Variants in CMSS1 observed in about 807,000 individuals in gnomAD.
CMSS1 encodes protein CMSS1.
CMSS1 carries 33 observed loss-of-function variants against 43.5 expected under a neutral mutation model. The observed-to-expected ratio is 0.76, with a 90% confidence interval of 0.57 to 1.01. The LOEUF is 1.01. CMSS1 is among the 50% of genes least tolerant of loss of function. CMSS1 has a pLI of 0.00. For missense variants in CMSS1, 313 were observed against 326.4 expected, an observed-to-expected ratio of 0.96 and a Z score of 0.32; for synonymous variants, 115 against 117.2, an observed-to-expected ratio of 0.98 and a Z score of 0.12.
At chr3:100,092,732 ACTCTG>A (rs2066132684) in intron 1 of CMSS1, among the ~76,000 whole-genome samples, 1 of 150,058 alleles carries the variant, frequency 6.7e-6, no homozygotes, top group Non-Finnish European at 1.5e-5. Context: ...ATTCATACTT[ACTCTG>A]AGGTCCTACC....
At chr3:99,829,626 A>G (rs1942610287) in intron 1 of CMSS1, among the ~76,000 whole-genome samples, 1 of 152,208 alleles carries the variant, frequency 6.6e-6, no homozygotes, top group South Asian at 2.1e-4. Flanking sequence ...CCTAACCCCA[A>G]GCTTTTGTTG....
chr3:100,163,094 C>A (rs2067038082), intron 4 of CMSS1, among the ~76,000 whole-genome samples: 1 of 152,122 alleles, frequency 6.6e-6, no homozygotes, highest in Non-Finnish European at 1.5e-5. Context: ...CAGTATTTGT[C>A]AAATCTAATA....
intron 1 of CMSS1, among the ~76,000 whole-genome samples, chr3:99,903,888 A>G (rs773509523): frequency 1.3e-5 from 2 of 152,314 alleles, no homozygotes; most frequent in Non-Finnish European, 2.9e-5. Context: ...GCTTCATTTA[A>G]TGGTACTCAT....
intron 1 of CMSS1, among the ~76,000 whole-genome samples, chr3:99,857,872 A>G (rs1468273841): frequency 2.0e-5 from 3 of 152,232 alleles, no homozygotes; most frequent in Non-Finnish European, 4.4e-5. Flanking sequence ...TGTTATGAAT[A>G]TGGCAAGACT....
intron 1 of CMSS1, among the ~76,000 whole-genome samples, chr3:99,901,884 C>T (rs140442858): frequency 6.6e-5 from 10 of 152,160 alleles, no homozygotes; most frequent in Non-Finnish European, 1.2e-4. Context: ...TACCACCTGC[C>T]TTGTCCCTAG....
chr3:99,910,207 A>G lies in CMSS1; in HGVS notation c.64+92164A>G, dbSNP rs1359173439. Among the ~76,000 whole-genome samples the G allele has an allele frequency of 4.4e-5, 6 of 136,604 alleles. 1 individual carries two copies. Among genetic ancestry groups the G allele is most frequent in the Middle Eastern group, 3.7e-3 (1 of 272 alleles). 89.6% of individuals were successfully genotyped at this position (136,604 alleles called of 152,430 possible). ...TGTCTAAAAACCTGTATGGATTTCAAAGGCTTAGAGAGGATTAAAAGGCTA... is the reference window on the plus strand; with the variant it reads ...TGTCTAAAAACCTGTATGGATTTCAGAGGCTTAGAGAGGATTAAAAGGCTA... On this transcript the variant is annotated intron_variant, in intron 1 of 9. Coordinates refer to ENST00000421999, the MANE Select transcript of CMSS1 (RefSeq NM_032359.4).
intron 1 of CMSS1, among the ~76,000 whole-genome samples, chr3:99,823,486 A>G (rs1942479390): frequency 6.6e-6 from 1 of 152,016 alleles, no homozygotes; most frequent in Non-Finnish European, 1.5e-5. Flanking sequence ...TTTCACCCCT[A>G]TATCTCATCC....
chr3:99,825,154 G>A (rs924206765), intron 1 of CMSS1, among the ~76,000 whole-genome samples: 1 of 152,210 alleles, frequency 6.6e-6, no homozygotes, highest in Admixed American at 6.5e-5. Context: ...TGGAATATTT[G>A]TAGGAGATGT....
At chr3:99,867,059 C>T (rs1010889607) in intron 1 of CMSS1, among the ~76,000 whole-genome samples, 1 of 152,152 alleles carries the variant, frequency 6.6e-6, no homozygotes, top group African/African-American at 2.4e-5. Flanking sequence ...TACTTCCTTT[C>T]CTGTAAGTTG....
At chr3:99,950,104 G>A (rs1160664991) in intron 1 of CMSS1, among the ~76,000 whole-genome samples, 2 of 152,136 alleles carry the variant, frequency 1.3e-5, no homozygotes, top group Admixed American at 6.6e-5. Flanking sequence ...GAACCATTAG[G>A]TTAGAGAACA....
intron 1 of CMSS1, among the ~76,000 whole-genome samples, chr3:99,925,299 T>TA (rs1394805078): frequency 2.6e-5 from 4 of 152,230 alleles, no homozygotes; most frequent in Non-Finnish European, 1.5e-5. Context: ...GCACTATACT[T>TA]ACATCTTTTT....
intron 1 of CMSS1, among the ~76,000 whole-genome samples, chr3:100,014,648 A>G (rs937835568): frequency 6.6e-6 from 1 of 151,914 alleles, no homozygotes; most frequent in Non-Finnish European, 1.5e-5. Context: ...CTTTTGAGAA[A>G]TGTCTTTTCA....
rs771322482 is a variant in CMSS1 at position 100,160,499 on chromosome 3, A to C, written c.223A>C (p.Lys75Gln). The C allele has an allele frequency of 1.4e-6, 2 of 1,431,722 alleles. No homozygotes were observed. The highest frequency in any genetic ancestry group is 2.0e-6 in the Non-Finnish European group (2 of 1,022,578). 88.7% of individuals were successfully genotyped at this position (1,431,722 alleles called of 1,614,324 possible). A position where few individuals can be genotyped will look rare whatever the true frequency, so the allele number is the denominator to read the frequency against. The change falls in exon 3 of 10, where the codon AAG (lysine) becomes CAG (glutamine). Residue 75 changes from lysine (K) to glutamine (Q), a missense_variant and splice_region_variant. By Grantham distance (53) the Lys-to-Gln change is moderately conservative (BLOSUM62 1). Coordinates refer to ENST00000421999, the MANE Select transcript of CMSS1 (RefSeq NM_032359.4). ...TACCACCAAGACCAGGAAAAGAAGA[A>C]AGGTAATATTAATAATTTCTTAAAT... ...ENTTKTRKRRKKKITDVLAKS... is the reference protein window; with the variant it reads ...ENTTKTRKRRQKKITDVLAKS...
At chr3:100,167,145 G>GTT (rs1288914981) in intron 5 of CMSS1, among the ~76,000 whole-genome samples, 1 of 152,158 alleles carries the variant, frequency 6.6e-6, no homozygotes, top group Non-Finnish European at 1.5e-5. Flanking sequence ...GATATAGGGA[G>GTT]TTTCCATTCT....
chr3:100,068,772 C>A (rs767160158), intron 1 of CMSS1, among the ~76,000 whole-genome samples: 1 of 152,152 alleles, frequency 6.6e-6, no homozygotes, highest in African/African-American at 2.4e-5. Flanking sequence ...GGAATACAGG[C>A]GCCCACCACC....
intron 1 of CMSS1, among the ~76,000 whole-genome samples, chr3:100,118,310 G>A (rs1280608213): frequency 9.2e-5 from 14 of 151,532 alleles, no homozygotes; most frequent in Admixed American, 2.0e-4. Context: ...TAACATACAC[G>A]GCTTATATTA....
intron 1 of CMSS1, among the ~76,000 whole-genome samples, chr3:100,015,720 C>T (rs1387046432): frequency 6.6e-6 from 1 of 152,174 alleles, no homozygotes; most frequent in Non-Finnish European, 1.5e-5. Context: ...TTTTTGCTTT[C>T]ATCAAGCTGT....
intron 1 of CMSS1, chr3:100,141,552 A>C (rs1349696428): frequency 2.2e-6 from 1 of 456,270 alleles, no homozygotes; most frequent in Admixed American, 2.4e-5. Flanking sequence ...TGTCTTCAAG[A>C]GTTTGTGCAA....
At chr3:100,026,728 G>A (rs1170562235) in intron 1 of CMSS1, among the ~76,000 whole-genome samples, 1 of 152,064 alleles carries the variant, frequency 6.6e-6, no homozygotes, top group Non-Finnish European at 1.5e-5. Flanking sequence ...ACGGATTTCT[G>A]TTGCACTACT....
Sources: allele counts gnomAD v4.1 joint callset (sites outside exome capture counted in the v4.1 genomes callset), GRCh38; gene constraint gnomAD v4.1.1; transcripts MANE v1.5; gene names NCBI Gene and HGNC (gene_info 2026-07-23, HGNC 2026-07-21).